The following TTC21B variants were observed in gnomAD, a reference collection of about 807,000 sequenced individuals.
TTC21B encodes tetratricopeptide repeat protein 21B.
A neutral mutation model predicts 175.1 loss-of-function variants in TTC21B; 127 were observed. The ratio of observed to expected loss-of-function variants is 0.73; its 90% CI spans 0.63 to 0.84. The LOEUF (loss-of-function observed/expected upper bound fraction) is 0.84, where lower values mean the gene tolerates loss of function less well. Ranked by LOEUF, TTC21B falls within the 40% of genes least tolerant of loss-of-function variation. The probability of loss-of-function intolerance (pLI) is 0.00; values close to 1 mark genes in which losing one functional copy is unlikely to be tolerated. For missense variants in TTC21B, 1,561 were observed against 1,558.3 expected, an observed-to-expected ratio of 1.00 and a Z score of -0.03; for synonymous variants, 524 against 524.5, an observed-to-expected ratio of 1.00 and a Z score of 0.01.
chr2:165,923,380 G>A (rs997940910), intron 12 of TTC21B, among the ~76,000 whole-genome samples: 1 of 150,702 alleles, frequency 6.6e-6, no homozygotes, highest in Non-Finnish European at 1.5e-5. Context: ...TTTTACAAAC[G>A]TTATTTACTT....
intron 13 of TTC21B, 132 bp downstream of exon 13, chr2:165,919,144 T>G (rs1203972260): frequency 9.2e-7 from 1 of 1,081,856 alleles, no homozygotes; most frequent in Non-Finnish European, 1.4e-6. Context: ...CTACTGCTTG[T>G]GAGTTCCATT....
chr2:165,929,418 G>A lies in TTC21B; in HGVS notation c.1186-83C>T. On this transcript the variant is annotated intron_variant, in intron 10 of 28. Coordinates refer to ENST00000243344, the MANE Select transcript of TTC21B (RefSeq NM_024753.5). ...CACTTAGATTTCAAATGCATATAAT[G>A]TGCTACTGATATGCAATTATTTGTT... The A allele has an allele frequency of 5.3e-6, 6 of 1,131,634 alleles. No homozygotes were observed. In the South Asian group the frequency reaches 6.7e-5, roughly 13 times the overall value. 70.1% of individuals were successfully genotyped at this position (1,131,634 alleles called of 1,614,324 possible).
intron 14 of TTC21B, among the ~76,000 whole-genome samples, chr2:165,915,881 T>A (rs1239634053): frequency 1.3e-5 from 2 of 152,228 alleles, no homozygotes; most frequent in Non-Finnish European, 1.5e-5. Context: ...TTAAGAGTCA[T>A]CTCAACTTCA....
chr2:165,927,246 T>TTA (rs367730373), intron 11 of TTC21B, among the ~76,000 whole-genome samples: 5 of 2,298 alleles, frequency 2.2e-3, no homozygotes, highest in Non-Finnish European at 4.5e-3. Context: ...ATCCTAGTAG[T>TTA]TATATATATA....
rs577557529 is a variant in TTC21B at position 165,873,682 on chromosome 2, A to T, written c.*1073T>A. On this transcript the variant is annotated 3_prime_UTR_variant, in exon 29 of 29. Transcript: ENST00000243344. Reference sequence around the variant, plus strand: ...ACCAAGTCTTCTAGGCTAAGGTTAAATATCCCTAATAAGGGACCTATTTAA... The same window carrying T: ...ACCAAGTCTTCTAGGCTAAGGTTAATTATCCCTAATAAGGGACCTATTTAA... 10 of 152,280 alleles carry T rather than the reference A, an allele frequency of 6.6e-5. No individual in the cohort carries two copies. The highest frequency in any genetic ancestry group is 2.4e-4 in the African/African-American group (10 of 41,556). The allele number at this position is 152,280 out of a possible 1,614,324, so 9.4% of individuals were successfully genotyped here. A position where few individuals can be genotyped will look rare whatever the true frequency, so the allele number is the denominator to read the frequency against.
intron 12 of TTC21B, among the ~76,000 whole-genome samples, chr2:165,923,526 G>C (rs1686500222): frequency 6.8e-6 from 1 of 146,198 alleles, no homozygotes; most frequent in African/African-American, 2.5e-5. Flanking sequence ...CTGACTGCAA[G>C]CTCCACCTCC....
chr2:165,917,604 G>A (rs1686225050), intron 13 of TTC21B, 123 bp from the exon 14 acceptor site: 1 of 800,770 alleles, frequency 1.2e-6, no homozygotes, highest in African/African-American at 1.7e-5. Context: ...TATGCATGAG[G>A]TCTATCTCTG....
intron 4 of TTC21B, among the ~76,000 whole-genome samples, chr2:165,944,035 C>G (rs978454832): frequency 6.6e-6 from 1 of 151,984 alleles, no homozygotes; most frequent in Admixed American, 6.6e-5. Context: ...AATTTATAAA[C>G]CTTTAACTAA....
At chr2:165,878,544 A>G (rs1395197420) in intron 27 of TTC21B, among the ~76,000 whole-genome samples, 2 of 148,500 alleles carry the variant, frequency 1.3e-5, no homozygotes, top group African/African-American at 5.0e-5. Flanking sequence ...GTGTGTAGAT[A>G]TATGTGTGTG....
chr2:165,894,063 T>C (rs1685281614), intron 22 of TTC21B, among the ~76,000 whole-genome samples: 1 of 152,118 alleles, frequency 6.6e-6, no homozygotes, highest in South Asian at 2.1e-4. Context: ...AGCCAGAACC[T>C]AGAAGCTGGA....
rs747488914 is a variant in TTC21B at position 165,930,338 on chromosome 2, T to C, written c.921A>G (p.Gln307=). ...RTCGRSQLIL[Q]KIQTLLERAF... is the part of the protein sequence containing the mutation. ...CTCTCTCAAGTAACGTTTGAATTTTTTGAAGAATAAGTTGACTACGTCCAC... is the reference window on the plus strand; with the variant it reads ...CTCTCTCAAGTAACGTTTGAATTTTCTGAAGAATAAGTTGACTACGTCCAC... The change falls in exon 9 of 29, where the codon CAA becomes CAG. Residue 307 remains glutamine, a synonymous_variant. Coordinates refer to ENST00000243344, the MANE Select transcript of TTC21B (RefSeq NM_024753.5). The C allele has an allele frequency of 1.2e-6, 2 of 1,612,350 alleles. No individual in the cohort carries two copies. Among genetic ancestry groups the C allele is most frequent in the South Asian group, 2.2e-5 (2 of 90,922 alleles).
intron 10 of TTC21B, 43 bp downstream of exon 10, chr2:165,929,607 T>C (rs376197271): frequency 1.5e-6 from 2 of 1,371,760 alleles, no homozygotes; most frequent in African/African-American, 2.9e-5. Context: ...TCATATTTTA[T>C]AAACAGCTAG....
intron 28 of TTC21B, 134 bp downstream of exon 28, chr2:165,876,031 T>G: frequency 1.6e-6 from 1 of 629,064 alleles, no homozygotes. Flanking sequence ...ACTGATAATC[T>G]CCCTAAACAT....
chr2:165,953,545 C>A, intron 1 of TTC21B, 140 bp downstream of exon 1: 1 of 1,437,052 alleles, frequency 7.0e-7, no homozygotes. Flanking sequence ...GCCCACCCCG[C>A]AACCCGAGCA....
rs768919757 is a variant in TTC21B at position 165,907,787 on chromosome 2, A to G, written c.2462-3T>C. 1 of 1,590,100 alleles carries G rather than the reference A, an allele frequency of 6.3e-7. No individual in the cohort carries two copies. Among genetic ancestry groups the G allele is most frequent in the South Asian group, 1.1e-5 (1 of 90,578 alleles). Reference sequence around the variant, plus strand: ...CATGAGAGCTGACAGTTCATTTACTATGAAAGAATGGAATGTAATGCAAAA... The same window carrying G: ...CATGAGAGCTGACAGTTCATTTACTGTGAAAGAATGGAATGTAATGCAAAA... On this transcript the variant is annotated splice_polypyrimidine_tract_variant and splice_region_variant and intron_variant, in intron 18 of 28. Transcript: ENST00000243344.
chr2:165,901,517 T>A (rs1685558499), intron 20 of TTC21B, among the ~76,000 whole-genome samples: 1 of 151,998 alleles, frequency 6.6e-6, no homozygotes, highest in Non-Finnish European at 1.5e-5. Flanking sequence ...AAGACAAGGT[T>A]TCCCCATGTT....
At chr2:165,875,728 T>C (rs994542184) in intron 28 of TTC21B, among the ~76,000 whole-genome samples, 2 of 152,084 alleles carry the variant, frequency 1.3e-5, no homozygotes, top group Non-Finnish European at 2.9e-5. Flanking sequence ...ATCAGAATAA[T>C]GATCTGGAGA....
At chr2:165,902,798 G>A (rs188956335) in intron 19 of TTC21B, among the ~76,000 whole-genome samples, 70 of 152,286 alleles carry the variant, frequency 4.6e-4, no homozygotes, top group Non-Finnish European at 8.1e-4. Context: ...AATTGGTTTA[G>A]ATAGAATGAT....
At chr2:165,913,522 T>G (rs1686035011) in intron 16 of TTC21B, 52 bp downstream of exon 16, 1 of 1,178,026 alleles carries the variant, frequency 8.5e-7, no homozygotes. Context: ...GAAGTTGTAC[T>G]CATCACAAAT....
Sources: allele counts gnomAD v4.1 joint callset (sites outside exome capture counted in the v4.1 genomes callset), GRCh38; gene constraint gnomAD v4.1.1; transcripts MANE v1.5; gene names NCBI Gene and HGNC (gene_info 2026-07-23, HGNC 2026-07-21).